The following PDE11A variants were observed in gnomAD, a reference collection of about 807,000 sequenced individuals.
The protein encoded by PDE11A is dual 3',5'-cyclic-AMP and -GMP phosphodiesterase 11A.
PDE11A carries 100 observed loss-of-function variants against 100.5 expected under a neutral mutation model. That is an observed-to-expected ratio of 1.00 (90% confidence interval 0.85 to 1.18). The LOEUF (loss-of-function observed/expected upper bound fraction) is 1.18. Among genes scored for constraint, PDE11A ranks in the 50% most tolerant of loss-of-function variants. The probability of loss-of-function intolerance (pLI) is 0.00; values close to 1 mark genes in which losing one functional copy is unlikely to be tolerated. For missense variants in PDE11A, 1,141 were observed against 1,152.6 expected (o/e 0.99, Z 0.15); for synonymous variants, 381 against 420.8 (o/e 0.91, Z 1.16).
chr2:177,813,132 C>T (rs2082975831), intron 9 of PDE11A, among the ~76,000 whole-genome samples: 1 of 103,766 alleles, frequency 9.6e-6, no homozygotes, highest in African/African-American at 4.7e-5. Flanking sequence ...TGGCTTATCC[C>T]TTTTAAACAC....
chr2:177,916,855 G>A (rs1559005403), intron 2 of PDE11A, among the ~76,000 whole-genome samples: 1 of 151,522 alleles, frequency 6.6e-6, no homozygotes, highest in East Asian at 1.9e-4. Flanking sequence ...CGCCTCCCGG[G>A]TCCACCGCCA....
intron 15 of PDE11A, chr2:177,687,271 A>G (rs1179370547): frequency 6.6e-6 from 1 of 152,226 alleles, no homozygotes; most frequent in Non-Finnish European, 1.5e-5. Context: ...TGCACCTCCC[A>G]ACTGTTGCTT....
rs548612935 is a variant in PDE11A at position 177,678,940 on chromosome 2, A to G, written c.2423+1886T>C. ...ATGCTGAGGAAAAAGAGAAGAGAAT[A>G]AAAAATACATCCTTGGGGGACAGTT... is the stretch of plus-strand genomic sequence containing the variant. On this transcript the variant is annotated intron_variant, in intron 16 of 19. Coordinates refer to ENST00000286063, the MANE Select transcript of PDE11A (RefSeq NM_016953.4). Among the ~76,000 whole-genome samples the G allele has an allele frequency of 5.9e-5, 9 of 151,824 alleles. No individual in the cohort carries two copies. The East Asian group carries it at 1.2e-3, about 20-fold the overall frequency.
At chr2:177,929,371 A>T (rs563892788) in intron 2 of PDE11A, among the ~76,000 whole-genome samples, 3 of 152,324 alleles carry the variant, frequency 2.0e-5, no homozygotes, top group Non-Finnish European at 2.9e-5. Flanking sequence ...AGGAACACTG[A>T]TTCAATGTCT....
intron 2 of PDE11A, among the ~76,000 whole-genome samples, chr2:177,925,919 G>A (rs1200013076): frequency 6.6e-6 from 1 of 152,342 alleles, no homozygotes; most frequent in African/African-American, 2.4e-5. Context: ...TGCAGAGGGG[G>A]AGAATCAGGA....
At chr2:177,987,294 C>G (rs1323897100) in intron 2 of PDE11A, among the ~76,000 whole-genome samples, 3 of 152,206 alleles carry the variant, frequency 2.0e-5, no homozygotes, top group Non-Finnish European at 4.4e-5. Flanking sequence ...CCAAGAATGT[C>G]AATTACATAT....
At chr2:177,775,840 A>G (rs767114524) in intron 9 of PDE11A, among the ~76,000 whole-genome samples, 2 of 152,094 alleles carry the variant, frequency 1.3e-5, no homozygotes, top group Non-Finnish European at 2.9e-5. Flanking sequence ...TGTTTCCTTC[A>G]TGCCACTTGC....
chr2:177,967,657 C>A (rs1453351453), intron 2 of PDE11A, among the ~76,000 whole-genome samples: 1 of 151,900 alleles, frequency 6.6e-6, no homozygotes, highest in Non-Finnish European at 1.5e-5. Flanking sequence ...TAAACCTCAG[C>A]CTCTAAAACC....
intron 2 of PDE11A, chr2:177,998,292 T>A: frequency 1.2e-6 from 1 of 829,014 alleles, no homozygotes. Context: ...TGGTAAAGTC[T>A]TAAGTTTTGT....
chr2:177,638,305 AT>A (rs533959937), intron 19 of PDE11A, among the ~76,000 whole-genome samples: 4 of 151,482 alleles, frequency 2.6e-5, no homozygotes, highest in African/African-American at 9.7e-5. Context: ...AGCCTACTAT[AT>A]TTTTTTTACC....
intron 4 of PDE11A, among the ~76,000 whole-genome samples, chr2:177,888,299 T>C (rs1176655748): frequency 6.6e-6 from 1 of 151,970 alleles, no homozygotes; most frequent in Admixed American, 6.6e-5. Context: ...AATAAACAAA[T>C]AGACCAGCAG....
chr2:178,020,449 C>A (rs2086393158), intron 1 of PDE11A, among the ~76,000 whole-genome samples: 1 of 152,126 alleles, frequency 6.6e-6, no homozygotes, highest in South Asian at 2.1e-4. Context: ...CTAAACTCTC[C>A]CCACCATCTC....
intron 9 of PDE11A, among the ~76,000 whole-genome samples, chr2:177,813,801 T>C (rs1177770220): frequency 6.7e-6 from 1 of 150,292 alleles, no homozygotes; most frequent in African/African-American, 2.5e-5. Flanking sequence ...TGCTGTGGAA[T>C]GGATTATTTC....
At chr2:177,966,742 T>C (rs1177240077) in intron 2 of PDE11A, among the ~76,000 whole-genome samples, 1 of 152,210 alleles carries the variant, frequency 6.6e-6, no homozygotes, top group Non-Finnish European at 1.5e-5. Flanking sequence ...GACATACGGC[T>C]AGATTCAGTT....
intron 2 of PDE11A, among the ~76,000 whole-genome samples, chr2:178,103,246 G>A (rs2087581655): frequency 6.6e-6 from 1 of 152,048 alleles, no homozygotes; most frequent in Non-Finnish European, 1.5e-5. Context: ...AAAACATTAT[G>A]CTAAGTGAAA....
intron 19 of PDE11A, among the ~76,000 whole-genome samples, chr2:177,650,178 C>A (rs963805250): frequency 6.6e-6 from 1 of 152,144 alleles, no homozygotes; most frequent in South Asian, 2.1e-4. Flanking sequence ...CTCTGAAAAG[C>A]GATCGATGTC....
intron 19 of PDE11A, among the ~76,000 whole-genome samples, chr2:177,655,399 G>A (rs998063839): frequency 1.6e-4 from 24 of 152,272 alleles, no homozygotes; most frequent in East Asian, 5.8e-4. Flanking sequence ...GAGATGTAGC[G>A]AAGGGTATGA....
intron 9 of PDE11A, among the ~76,000 whole-genome samples, chr2:177,782,800 C>T (rs1202306850): frequency 6.6e-6 from 1 of 151,872 alleles, no homozygotes; most frequent in East Asian, 1.9e-4. Context: ...TTTCTCCCTC[C>T]TTTTTCTTCT....
chr2:178,072,843 G>C, upstream of PDE11A: 1 of 1,175,726 alleles, frequency 8.5e-7, no homozygotes. Flanking sequence ...CACGGAGCCT[G>C]GAGGGAGGAG....
Sources: allele counts gnomAD v4.1 joint callset (sites outside exome capture counted in the v4.1 genomes callset), GRCh38; gene constraint gnomAD v4.1.1; transcripts MANE v1.5; gene names NCBI Gene and HGNC (gene_info 2026-07-23, HGNC 2026-07-21).